The following UMAD1 variants were observed in gnomAD, a reference collection of about 807,000 sequenced individuals.
The protein encoded by UMAD1 is UBAP1-MVB12-associated (UMA) domain containing 1, also known as UBAP1-MVB12-associated (UMA)-domain containing protein 1.
Under a neutral mutation model 6.1 loss-of-function variants are expected in UMAD1, and 8 were observed. The observed-to-expected ratio is 1.30, with a 90% CI of 0.76 to 2.35. UMAD1 has a LOEUF of 2.35. UMAD1 is among the 30% of genes most tolerant of loss of function. UMAD1 has a pLI of 0.00. For missense variants in UMAD1, 130 were observed against 78.4 expected, an observed-to-expected ratio of 1.66 and a Z score of -2.49; for synonymous variants, 56 against 31.4, an observed-to-expected ratio of 1.78 and a Z score of -2.61.
At chr7:7,802,586 A>G (rs1782825050) in intron 3 of UMAD1, among the ~76,000 whole-genome samples, 1 of 152,252 alleles carries the variant, frequency 6.6e-6, no homozygotes, top group African/African-American at 2.4e-5. Flanking sequence ...TTAATCACCA[A>G]AATAATCATC....
chr7:7,776,857 T>C (rs887687617), intron 2 of UMAD1, among the ~76,000 whole-genome samples: 3 of 152,206 alleles, frequency 2.0e-5, no homozygotes, highest in Admixed American at 6.5e-5. Context: ...AGTAATACAC[T>C]GAAAAGCCTT....
intron 3 of UMAD1, among the ~76,000 whole-genome samples, chr7:7,866,112 C>T (rs537863692): frequency 1.3e-5 from 2 of 152,196 alleles, no homozygotes; most frequent in East Asian, 3.9e-4. Flanking sequence ...CTTAGAAAAA[C>T]AAAGAAACAA....
chr7:7,686,821 G>T (rs185263121), intron 2 of UMAD1, among the ~76,000 whole-genome samples: 4 of 152,316 alleles, frequency 2.6e-5, no homozygotes, highest in African/African-American at 9.6e-5. Flanking sequence ...GATATAAGAA[G>T]AAATGTTGTG....
At chr7:7,686,341 T>C (rs1239374785) in intron 2 of UMAD1, among the ~76,000 whole-genome samples, 1 of 152,198 alleles carries the variant, frequency 6.6e-6, no homozygotes, top group African/African-American at 2.4e-5. Flanking sequence ...CCTTCTCAAA[T>C]GTTAGAATGT....
At chr7:7,867,699 A>G (rs1161605709) in intron 3 of UMAD1, among the ~76,000 whole-genome samples, 1 of 152,174 alleles carries the variant, frequency 6.6e-6, no homozygotes, top group African/African-American at 2.4e-5. Flanking sequence ...GTGTGTGCCA[A>G]CAATGGTCTC....
At chr7:7,681,545 C>G (rs1779912700) in intron 2 of UMAD1, among the ~76,000 whole-genome samples, 1 of 152,170 alleles carries the variant, frequency 6.6e-6, no homozygotes, top group African/African-American at 2.4e-5. Flanking sequence ...GAAAAACATC[C>G]TTTCCCTTGT....
intron 1 of UMAD1, among the ~76,000 whole-genome samples, chr7:7,645,554 AAGG>A (rs1785074138): frequency 6.6e-6 from 1 of 152,198 alleles, no homozygotes; most frequent in African/African-American, 2.4e-5. Context: ...AGCTTCCTTT[AAGG>A]AGTATTCCCC....
chr7:7,739,479 T>G (rs1781421206), intron 2 of UMAD1, among the ~76,000 whole-genome samples: 1 of 152,226 alleles, frequency 6.6e-6, no homozygotes. Context: ...AGTAACTGAT[T>G]ATTTGCTCTT....
chr7:7,834,184 G>T (rs1407116675), intron 3 of UMAD1, among the ~76,000 whole-genome samples: 1 of 151,784 alleles, frequency 6.6e-6, no homozygotes, highest in Non-Finnish European at 1.5e-5. Flanking sequence ...ACCACGCCTG[G>T]ATAAATTTTG....
chr7:7,683,944 A>G (rs752517819), intron 2 of UMAD1, among the ~76,000 whole-genome samples: 12 of 152,156 alleles, frequency 7.9e-5, no homozygotes, highest in South Asian at 4.1e-4. Flanking sequence ...TCTATGAGTA[A>G]TATACAGTTT....
At chr7:7,799,173 G>A (rs1240035132) in intron 2 of UMAD1, among the ~76,000 whole-genome samples, 2 of 152,012 alleles carry the variant, frequency 1.3e-5, no homozygotes, top group African/African-American at 2.4e-5. Context: ...TCTTCAAGGG[G>A]TGGAAAAAAA....
intron 3 of UMAD1, among the ~76,000 whole-genome samples, chr7:7,833,195 G>T (rs959674509): frequency 1.3e-5 from 2 of 152,116 alleles, no homozygotes; most frequent in Non-Finnish European, 2.9e-5. Context: ...CTAGAGCTGG[G>T]CTGTGAAATC....
At chr7:7,665,531 T>C (rs1484551135) in intron 1 of UMAD1, among the ~76,000 whole-genome samples, 1 of 152,234 alleles carries the variant, frequency 6.6e-6, no homozygotes, top group Non-Finnish European at 1.5e-5. Flanking sequence ...AAGAACTTTA[T>C]TGAGATTGGA....
chr7:7,746,038 T>C (rs1407017375), intron 2 of UMAD1, among the ~76,000 whole-genome samples: 3 of 152,192 alleles, frequency 2.0e-5, no homozygotes, highest in African/African-American at 7.2e-5. Context: ...ACTCAGCCAA[T>C]TGGTGCCTTT....
chr7:7,656,517 C>T (rs1785347337), intron 1 of UMAD1, among the ~76,000 whole-genome samples: 1 of 152,114 alleles, frequency 6.6e-6, no homozygotes, highest in Non-Finnish European at 1.5e-5. Flanking sequence ...CTCCCTGTGT[C>T]CATGTGTTCT....
intron 2 of UMAD1, among the ~76,000 whole-genome samples, chr7:7,737,146 G>T (rs36045810): frequency 6.6e-6 from 1 of 152,108 alleles, no homozygotes; most frequent in Non-Finnish European, 1.5e-5. Context: ...TATAATTTCT[G>T]TATATTAATT....
At chr7:7,806,135 C>T (rs147415498) in intron 3 of UMAD1, among the ~76,000 whole-genome samples, 68 of 152,278 alleles carry the variant, frequency 4.5e-4, no homozygotes, top group African/African-American at 1.6e-3. Flanking sequence ...TATCAAATAT[C>T]TTCCAAATGT....
chr7:7,802,816 A>G (rs1332686528), intron 3 of UMAD1, among the ~76,000 whole-genome samples: 18 of 152,224 alleles, frequency 1.2e-4, no homozygotes. Context: ...TGTTAAATGA[A>G]TAAGTCAGTA....
intron 1 of UMAD1, among the ~76,000 whole-genome samples, chr7:7,647,359 T>G (rs972564802): frequency 4.6e-5 from 7 of 152,234 alleles, no homozygotes; most frequent in Non-Finnish European, 8.8e-5. Flanking sequence ...TGCAATTATA[T>G]GAGACTAATT....
Sources: gnomAD v4.1 joint callset for allele counts (sites outside exome capture counted in the v4.1 genomes callset) on GRCh38, gnomAD v4.1.1 for gene constraint, MANE v1.5 for transcripts, NCBI Gene and HGNC (gene_info 2026-07-23, HGNC 2026-07-21) for gene names.